Variants in HMBOX1 observed in about 807,000 individuals in gnomAD.
HMBOX1 encodes homeobox-containing protein 1.
In HMBOX1, 14 loss-of-function variants were observed where a neutral mutation model predicts 54.5. The ratio of observed to expected loss-of-function variants is 0.26; its 90% CI spans 0.17 to 0.40. The LOEUF (loss-of-function observed/expected upper bound fraction) is 0.40, where lower values mean the gene tolerates loss of function less well. HMBOX1 is among the 10% of genes least tolerant of loss of function. The pLI is 1.00. For missense variants in HMBOX1, 332 were observed against 514.4 expected (o/e 0.65, Z 3.43); for synonymous variants, 160 against 181.0 (o/e 0.88, Z 0.93).
chr8:28,924,331 G>T (rs561490293), intron 1 of HMBOX1, among the ~76,000 whole-genome samples: 3 of 151,834 alleles, frequency 2.0e-5, no homozygotes, highest in Non-Finnish European at 2.9e-5. Flanking sequence ...GGATGGTCTC[G>T]ATCTCCTGAC....
At chr8:28,968,586 A>C (rs1410353818) in intron 2 of HMBOX1, among the ~76,000 whole-genome samples, 3 of 152,202 alleles carry the variant, frequency 2.0e-5, no homozygotes, top group African/African-American at 7.2e-5. Flanking sequence ...ATTGGATGAG[A>C]TTATGTTATG....
At chr8:28,920,997 A>G (rs1817463159) in intron 1 of HMBOX1, among the ~76,000 whole-genome samples, 1 of 152,260 alleles carries the variant, frequency 6.6e-6, no homozygotes, top group African/African-American at 2.4e-5. Context: ...ACATTATGAT[A>G]TAAATAAATC....
chr8:28,975,435 A>C (rs1427166029), intron 3 of HMBOX1, among the ~76,000 whole-genome samples: 1 of 152,260 alleles, frequency 6.6e-6, no homozygotes. Flanking sequence ...CAACAGGCAT[A>C]ACTGATGAAT....
chr8:28,926,304 T>TATATATACAC (rs796953426), intron 1 of HMBOX1, among the ~76,000 whole-genome samples: 1 of 142,216 alleles, frequency 7.0e-6, no homozygotes, highest in African/African-American at 2.6e-5. Context: ...TATATATATA[T>TATATATACAC]ACACACACAC....
Position 28,970,432 on chromosome 8 carries a change from A to G in HMBOX1, c.413A>G (p.His138Arg), listed in dbSNP as rs1827189613. The part of the protein sequence containing the change: ...SNGKMSPTRY[H>R]ANSMGQRSYS... ...GGAAAGATGTCACCAACTCGCTACCATGCAAACAGCATGGGTCAGAGGTCA... is the reference window on the plus strand; with the variant it reads ...GGAAAGATGTCACCAACTCGCTACCGTGCAAACAGCATGGGTCAGAGGTCA... The change falls in exon 3 of 10, where the codon CAT (histidine) becomes CGT (arginine). Residue 138 changes from histidine to arginine, a missense_variant. By Grantham distance (29) the His-to-Arg change is conservative. Transcript: ENST00000287701. This position sits in a 1 kb window ranked among gnomAD's most constrained non-coding sequence, Gnocchi z 4.3. The G allele has an allele frequency of 1.2e-6, 2 of 1,614,190 alleles. No individual in the cohort carries two copies. Among genetic ancestry groups the G allele is most frequent in the Middle Eastern group, 1.6e-4 (1 of 6,062 alleles).
At chr8:28,932,196 A>G (rs1165738253) in intron 1 of HMBOX1, among the ~76,000 whole-genome samples, 1 of 152,240 alleles carries the variant, frequency 6.6e-6, no homozygotes, top group Non-Finnish European at 1.5e-5. Flanking sequence ...CAAGGATCAG[A>G]AAGACGGCAA....
intron 1 of HMBOX1, among the ~76,000 whole-genome samples, chr8:28,948,828 TATA>T (rs1288719361): frequency 2.0e-5 from 3 of 152,168 alleles, no homozygotes; most frequent in African/African-American, 2.4e-5. Flanking sequence ...TCTCCAATTC[TATA>T]ATATTTCCTT....
chr8:28,994,167 C>CA (rs35952321), intron 4 of HMBOX1, among the ~76,000 whole-genome samples: 60,374 of 123,912 alleles, frequency 0.49, 14,307 homozygotes, highest in Non-Finnish European at 0.57. Flanking sequence ...ACTCTCTCAC[C>CA]AAAAAAAAAA....
intron 4 of HMBOX1, among the ~76,000 whole-genome samples, chr8:29,003,555 A>AATATATATATATATATATATATATAT (rs71222586): frequency 0.018 from 1,265 of 70,902 alleles, 94 homozygotes; most frequent in East Asian, 0.02. Flanking sequence ...TTCTGTATTA[A>AATATATATATATATATATATATATAT]ATATATATAT....
chr8:28,953,624 C>T (rs1318457941), intron 1 of HMBOX1, among the ~76,000 whole-genome samples: 2 of 150,902 alleles, frequency 1.3e-5, no homozygotes, highest in Admixed American at 6.6e-5. Flanking sequence ...TTTTAAGTTT[C>T]TATGTCTAGT....
intron 4 of HMBOX1, among the ~76,000 whole-genome samples, chr8:29,002,921 C>G (rs1832858517): frequency 6.6e-6 from 1 of 152,050 alleles, no homozygotes; most frequent in African/African-American, 2.4e-5. Context: ...AATTTTTCCC[C>G]TTTCATCTGA....
At position 28,970,031 on chromosome 8, in the gene HMBOX1, C is replaced by CT. The variant is rs553430951; in HGVS notation, c.24-3dup. On this transcript the variant is annotated splice_polypyrimidine_tract_variant and intron_variant, in intron 2 of 9. Coordinates refer to ENST00000287701, the MANE Select transcript of HMBOX1 (RefSeq NM_001135726.3). This position sits in a 1 kb window ranked among gnomAD's most constrained non-coding sequence, Gnocchi z 4.3. ...TCAATAAAGAGACTTCTTTTTATCT[C>CT]TTTTTTTTTAGTTTGCTGGAAACCA... The CT allele has an allele frequency of 6.8e-4, 1,010 of 1,492,954 alleles. 1 individual carries two copies. In the East Asian group the frequency reaches 9.3e-3, roughly 14 times the overall value. The allele number at this position is 1,492,954 out of a possible 1,614,324, so 92.5% of individuals were successfully genotyped here. A position where few individuals can be genotyped will look rare whatever the true frequency, so the allele number is the denominator to read the frequency against.
intron 1 of HMBOX1, among the ~76,000 whole-genome samples, chr8:28,962,049 C>G (rs1825707268): frequency 6.6e-6 from 1 of 151,718 alleles, no homozygotes; most frequent in Non-Finnish European, 1.5e-5. Context: ...GCTGGGATTA[C>G]AGGTGTGAGC....
chr8:28,931,728 A>G (rs1401913487), intron 1 of HMBOX1, among the ~76,000 whole-genome samples: 1 of 152,004 alleles, frequency 6.6e-6, no homozygotes, highest in African/African-American at 2.4e-5. Flanking sequence ...TTTTGTAGAG[A>G]TGGGACCTCC....
At chr8:28,936,477 G>GA (rs1409705466) in intron 1 of HMBOX1, among the ~76,000 whole-genome samples, 1 of 151,866 alleles carries the variant, frequency 6.6e-6, no homozygotes, top group African/African-American at 2.4e-5. Context: ...TTTTTGCCTA[G>GA]AAATTTCCTC....
chr8:29,039,605 A>T (rs1014755350), intron 6 of HMBOX1, among the ~76,000 whole-genome samples: 2 of 152,170 alleles, frequency 1.3e-5, no homozygotes, highest in Non-Finnish European at 1.5e-5. Context: ...TTAGATACTT[A>T]CTGTCTATTA....
intron 3 of HMBOX1, among the ~76,000 whole-genome samples, chr8:28,977,813 G>C (rs2132443971): frequency 6.6e-6 from 1 of 151,820 alleles, no homozygotes; most frequent in East Asian, 1.9e-4. Context: ...GCGTAATGGC[G>C]GGCGCCTGTA....
chr8:28,959,664 T>A (rs1016610283), intron 1 of HMBOX1, among the ~76,000 whole-genome samples: 6 of 152,234 alleles, frequency 3.9e-5, no homozygotes, highest in African/African-American at 1.2e-4. Flanking sequence ...AGGTTTGCTG[T>A]TGAATAATTC....
rs971505807 is a variant in HMBOX1 at position 29,052,840 on chromosome 8, G to A, written c.*1685G>A. On this transcript the variant is annotated 3_prime_UTR_variant, in exon 10 of 10. Transcript: ENST00000287701. The stretch of plus-strand genomic sequence containing the variant: ...GTATAATGAAGCCTTGTTTAAAGGG[G>A]CATGTGGGGCTGGATGTTAAGCACG... The A allele has an allele frequency of 3.3e-5, 5 of 152,188 alleles. No individual in the cohort carries two copies. The highest frequency in any genetic ancestry group is 1.2e-4 in the African/African-American group (5 of 41,438). The allele number at this position is 152,188 out of a possible 1,614,324, so 9.4% of individuals were successfully genotyped here.
Sources: gnomAD v4.1 joint callset for allele counts (sites outside exome capture counted in the v4.1 genomes callset) on GRCh38, gnomAD v4.1.1 for gene constraint, Gnocchi (gnomAD v3.1) non-coding constraint, MANE v1.5 for transcripts, NCBI Gene and HGNC (gene_info 2026-07-23, HGNC 2026-07-21) for gene names.